The following FAM117A variants were observed in gnomAD, a reference collection of about 807,000 sequenced individuals.
FAM117A encodes the protein family with sequence similarity 117 member A.
A neutral mutation model predicts 44.1 loss-of-function variants in FAM117A; 21 were observed. That is an observed-to-expected ratio of 0.48 (90% CI 0.34 to 0.69). The LOEUF (loss-of-function observed/expected upper bound fraction) is 0.69. Among genes scored for constraint, FAM117A ranks in the 30% least tolerant of loss-of-function variants. The pLI, the probability that FAM117A is intolerant of heterozygous loss-of-function variation, is 0.01. For missense variants in FAM117A, 498 were observed against 589.9 expected, an observed-to-expected ratio of 0.84 and a Z score of 1.61; for synonymous variants, 220 against 238.3, an observed-to-expected ratio of 0.92 and a Z score of 0.71.
rs10603200 is a variant in FAM117A, at chr17:49,763,123, TACACACACAC to T, written c.196+759_196+768del. On this transcript the variant is annotated intron_variant, in intron 1 of 7. Transcript: ENST00000240364. Reference sequence around the variant, plus strand: ...AAAACTGCCCAGGTCTCCCCCCCGCTACACACACACACACACACACACACACACACACACA... The same window carrying T: ...AAAACTGCCCAGGTCTCCCCCCCGCTACACACACACACACACACACACACA... Among the ~76,000 whole-genome samples, 135 of 141,170 alleles carry T rather than the reference TACACACACAC, an allele frequency of 9.6e-4. 1 individual carries two copies. The highest frequency in any genetic ancestry group is 1.2e-3 in the Non-Finnish European group (78 of 64,894). 92.6% of individuals were successfully genotyped at this position (141,170 alleles called of 152,430 possible).
At chr17:49,732,434 G>C in intron 2 of FAM117A, 117 bp downstream of exon 2, 1 of 956,606 alleles carries the variant, frequency 1.0e-6, no homozygotes, top group East Asian at 2.6e-5. Flanking sequence ...TGGATAATAT[G>C]TACGACCAAA....
At chr17:49,776,459 A>C (rs2073775852) in intron 1 of FAM117A, among the ~76,000 whole-genome samples, 1 of 152,140 alleles carries the variant, frequency 6.6e-6, no homozygotes. Context: ...CCACAGCCCT[A>C]AAGACTCTAG....
At chr17:49,739,219 T>C (rs918658894) in intron 1 of FAM117A, among the ~76,000 whole-genome samples, 1 of 152,204 alleles carries the variant, frequency 6.6e-6, no homozygotes, top group African/African-American at 2.4e-5. Flanking sequence ...CCTTTAGGAT[T>C]GAAGGTGTAG....
rs1598023783 is a variant in FAM117A at position 49,729,568 on chromosome 17, A to G, written c.366+2983T>C. Among the ~76,000 whole-genome samples the G allele has an allele frequency of 7.1e-5, 10 of 141,234 alleles. 3 individuals are homozygous for G. The Admixed American group carries it at 7.5e-4, about 11-fold the overall frequency. 92.7% of individuals were successfully genotyped at this position (141,234 alleles called of 152,430 possible). A position where few individuals can be genotyped will look rare whatever the true frequency, so the allele number is the denominator to read the frequency against. On this transcript the variant is annotated intron_variant, in intron 2 of 7. Transcript: ENST00000240364. Reference sequence around the variant, plus strand: ...TGTTGCCAGGCTGGAGTGCAGTGGCATGATCTCGGTTTACTGCAACCTCTG... The same window carrying G: ...TGTTGCCAGGCTGGAGTGCAGTGGCGTGATCTCGGTTTACTGCAACCTCTG...
intron 1 of FAM117A, among the ~76,000 whole-genome samples, chr17:49,783,509 G>T (rs1333039200): frequency 6.6e-6 from 1 of 152,092 alleles, no homozygotes; most frequent in Non-Finnish European, 1.5e-5. Flanking sequence ...GCCTGAGCCT[G>T]CTGGGATCTG....
At chr17:49,753,158 C>T (rs1431227910) in intron 1 of FAM117A, among the ~76,000 whole-genome samples, 3 of 152,094 alleles carry the variant, frequency 2.0e-5, no homozygotes, top group South Asian at 2.1e-4. Flanking sequence ...CCACCACACC[C>T]GGCCCCAATT....
chr17:49,788,780 T>A, upstream of FAM117A: 1 of 1,554,924 alleles, frequency 6.4e-7, no homozygotes, highest in Non-Finnish European at 8.7e-7. Flanking sequence ...GAGCCACCGT[T>A]CCTGCTGCTG....
intron 1 of FAM117A, among the ~76,000 whole-genome samples, chr17:49,778,820 T>C (rs989244840): frequency 1.3e-5 from 2 of 152,094 alleles, no homozygotes; most frequent in Non-Finnish European, 2.9e-5. Context: ...AGACAGAAAG[T>C]AAAGAATCCA....
At chr17:49,732,458 C>A in intron 2 of FAM117A, 93 bp downstream of exon 2, 1 of 1,195,284 alleles carries the variant, frequency 8.4e-7, no homozygotes, top group South Asian at 1.4e-5. Context: ...CAAGACAAAT[C>A]ATCGCAATGA....
At chr17:49,722,860 T>C (rs1032166622) in intron 2 of FAM117A, among the ~76,000 whole-genome samples, 1 of 152,124 alleles carries the variant, frequency 6.6e-6, no homozygotes, top group African/African-American at 2.4e-5. Flanking sequence ...ACATATATGA[T>C]ATCCCAGTTA....
chr17:49,715,873 A>G (rs550354355), intron 7 of FAM117A, among the ~76,000 whole-genome samples: 3 of 152,264 alleles, frequency 2.0e-5, no homozygotes, highest in South Asian at 2.1e-4. Flanking sequence ...CCGGAGATGG[A>G]AAAAAATAGA....
upstream of FAM117A, chr17:49,788,777 C>G (rs895593559): frequency 1.0e-5 from 16 of 1,551,280 alleles, no homozygotes; most frequent in South Asian, 3.5e-5. Flanking sequence ...CCGGAGCCAC[C>G]GTTCCTGCTG....
chr17:49,788,919 C>G (rs371155830), upstream of FAM117A: 16 of 1,419,996 alleles, frequency 1.1e-5, no homozygotes, highest in Non-Finnish European at 1.3e-5. Flanking sequence ...CGCAGTTGGC[C>G]ACGCCTCACA....
At chr17:49,788,737 G>A (rs1396618122), upstream of FAM117A, 2 of 1,354,976 alleles carry the variant, frequency 1.5e-6, no homozygotes, top group Non-Finnish European at 2.0e-6. Context: ...CGCAGGATTG[G>A]GACTGATACA....
intron 3 of FAM117A, 62 bp downstream of exon 3, chr17:49,722,437 A>T (rs754798456): frequency 1.7e-4 from 233 of 1,364,470 alleles, no homozygotes; most frequent in Middle Eastern, 3.6e-4. Flanking sequence ...GATGCATTGC[A>T]TGGTACTAGG....
At chr17:49,759,712 C>T (rs537029534) in intron 1 of FAM117A, among the ~76,000 whole-genome samples, 3 of 152,194 alleles carry the variant, frequency 2.0e-5, no homozygotes, top group Admixed American at 2.0e-4. Context: ...CACCTATCCC[C>T]CAAGAAATAA....
chr17:49,787,681 C>G (rs1264361802), intron 1 of FAM117A, among the ~76,000 whole-genome samples: 4 of 152,212 alleles, frequency 2.6e-5, no homozygotes, highest in Non-Finnish European at 4.4e-5. Context: ...GCCTTTCCTC[C>G]GGAGAGGTTA....
chr17:49,729,841 G>A (rs952837597), intron 2 of FAM117A, among the ~76,000 whole-genome samples: 2 of 152,086 alleles, frequency 1.3e-5, no homozygotes, highest in African/African-American at 4.8e-5. Flanking sequence ...AGCTTTCAAG[G>A]ACTTTGGTAG....
chr17:49,774,882 A>C (rs1429015330), intron 1 of FAM117A, among the ~76,000 whole-genome samples: 1 of 152,204 alleles, frequency 6.6e-6, no homozygotes, highest in Non-Finnish European at 1.5e-5. Flanking sequence ...TTCCTCATTA[A>C]GTAAAAGAGT....
Sources: gnomAD v4.1 joint callset for allele counts (sites outside exome capture counted in the v4.1 genomes callset) on GRCh38, gnomAD v4.1.1 for gene constraint, MANE v1.5 for transcripts, NCBI Gene and HGNC (gene_info 2026-07-23, HGNC 2026-07-21) for gene names.